Variants in DDX1 observed in about 807,000 individuals in gnomAD.
DDX1 encodes DEAD-box helicase 1.
Under a neutral mutation model 108.7 loss-of-function variants are expected in DDX1, and 28 were observed. The observed-to-expected ratio is 0.26, with a 90% CI of 0.19 to 0.35. DDX1 has a LOEUF of 0.35. Ranked by LOEUF, DDX1 falls within the 10% of genes least tolerant of loss-of-function variation. The probability of loss-of-function intolerance (pLI) is 1.00; values close to 1 mark genes in which losing one functional copy is unlikely to be tolerated. For synonymous variants in DDX1, 295 were observed against 288.9 expected (o/e 1.02, Z -0.21); for missense variants, 710 against 884.5 (o/e 0.80, Z 2.50).
At chr2:15,617,762 T>C (rs1476320691) in intron 15 of DDX1, among the ~76,000 whole-genome samples, 3 of 152,228 alleles carry the variant, frequency 2.0e-5, no homozygotes, top group Non-Finnish European at 4.4e-5. Flanking sequence ...AGATACAAAA[T>C]GTAGACCATC....
At chr2:15,627,700 T>C (rs1666124264) in intron 20 of DDX1, 1 of 152,812 alleles carries the variant, frequency 6.5e-6, no homozygotes, top group South Asian at 2.1e-4. Flanking sequence ...GCAGTCTCAT[T>C]AATTTAATAG....
rs1221059879 is a variant in DDX1 at position 15,627,164 on chromosome 2, T to A, written c.1686+19T>A. 1 of 1,434,056 alleles carries A rather than the reference T, an allele frequency of 7.0e-7. No individual in the cohort carries two copies. The highest frequency in any genetic ancestry group is 1.8e-5 in the Admixed American group (1 of 55,730). 88.8% of individuals were successfully genotyped at this position (1,434,056 alleles called of 1,614,324 possible). ...ATTTAAGGTACTGATACATAGTTGATTGTTTCCTTAATACTTAAGAGGGGC... is the reference window on the plus strand; with the variant it reads ...ATTTAAGGTACTGATACATAGTTGAATGTTTCCTTAATACTTAAGAGGGGC... On this transcript the variant is annotated intron_variant, in intron 20 of 25. Transcript: ENST00000233084.
At chr2:15,595,590 G>A in intron 3 of DDX1, 37 bp downstream of exon 3, 2 of 1,400,470 alleles carry the variant, frequency 1.4e-6, no homozygotes, top group South Asian at 1.2e-5. Flanking sequence ...GGTAGCTGGG[G>A]ACACACTCTA....
intron 9 of DDX1, 105 bp downstream of exon 9, chr2:15,603,995 G>C: frequency 1.4e-6 from 1 of 719,612 alleles, no homozygotes; most frequent in Non-Finnish European, 2.2e-6. Context: ...AAAATGAGCA[G>C]ATTTTCTGTA....
chr2:15,593,864 C>G (rs927033402), intron 1 of DDX1, among the ~76,000 whole-genome samples: 1 of 151,692 alleles, frequency 6.6e-6, no homozygotes, highest in East Asian at 1.9e-4. Flanking sequence ...ATCACGAGGT[C>G]AGGAGATTGA....
chr2:15,597,534 G>C, intron 5 of DDX1, 63 bp downstream of exon 5: 2 of 1,105,520 alleles, frequency 1.8e-6, no homozygotes, highest in South Asian at 2.8e-5. Flanking sequence ...CTGACAGTTA[G>C]GAAAGTGAGA....
intron 16 of DDX1, 116 bp downstream of exon 16, chr2:15,618,386 C>A: frequency 1.6e-6 from 1 of 624,420 alleles, no homozygotes; most frequent in Non-Finnish European, 2.9e-6. Context: ...TAGTGATGCC[C>A]TTGCCCGGGT....
intron 5 of DDX1, 65 bp downstream of exon 5, chr2:15,597,536 A>C: frequency 2.7e-6 from 3 of 1,094,618 alleles, no homozygotes; most frequent in Non-Finnish European, 4.1e-6. Context: ...GACAGTTAGG[A>C]AAGTGAGATT....
intron 20 of DDX1, 51 bp from the exon 21 acceptor site, chr2:15,628,394 G>T (rs1428029616): frequency 1.5e-6 from 2 of 1,356,906 alleles, no homozygotes; most frequent in Non-Finnish European, 2.1e-6. Flanking sequence ...TGTTTTTATT[G>T]TTTAGTATAT....
chr2:15,602,413 C>A, intron 6 of DDX1, 135 bp from the exon 7 acceptor site: 1 of 647,876 alleles, frequency 1.5e-6, no homozygotes, highest in Non-Finnish European at 2.8e-6. Flanking sequence ...GTCTCAGTCT[C>A]TGGAACATTG....
chr2:15,621,286 AG>A (rs1666002265), intron 18 of DDX1, 170 bp downstream of exon 18: 5 of 599,828 alleles, frequency 8.3e-6, no homozygotes, highest in Non-Finnish European at 1.5e-5. Context: ...TAGTCAACTT[AG>A]AGGAATATGA....
intron 1 of DDX1, among the ~76,000 whole-genome samples, chr2:15,592,157 C>T (rs1387558967): frequency 6.6e-6 from 1 of 152,214 alleles, no homozygotes; most frequent in Non-Finnish European, 1.5e-5. Context: ...CAGGAGCGGG[C>T]CGGAACGTCC....
intron 16 of DDX1, among the ~76,000 whole-genome samples, chr2:15,619,576 A>G (rs1049977357): frequency 1.3e-5 from 2 of 152,214 alleles, no homozygotes; most frequent in African/African-American, 4.8e-5. Context: ...AGCAGGGTCA[A>G]AGGGTTTTTG....
At chr2:15,605,896 T>G (rs1558453197) in intron 10 of DDX1, 54 bp from the exon 11 acceptor site, 10 of 1,219,324 alleles carry the variant, frequency 8.2e-6, no homozygotes, top group Non-Finnish European at 1.0e-5. Context: ...ATTGTCAGCA[T>G]GAGGAAGGTC....
chr2:15,623,397 GA>G (rs1292723156), intron 18 of DDX1, 38 bp from the exon 19 acceptor site: 1 of 1,604,966 alleles, frequency 6.2e-7, no homozygotes, highest in Non-Finnish European at 8.5e-7. Flanking sequence ...AGTTCAGATT[GA>G]AATTCTGTTG....
chr2:15,618,329 A>G, intron 16 of DDX1, 59 bp downstream of exon 16: 1 of 881,334 alleles, frequency 1.1e-6, no homozygotes, highest in Non-Finnish European at 1.8e-6. Context: ...GTATAATGTT[A>G]CGGGATCCCA....
At position 15,622,957 on chromosome 2, in the gene DDX1, C is replaced by A. The variant is rs536367053; in HGVS notation, c.1448-479C>A. Among the ~76,000 whole-genome samples, 4 of 152,130 alleles carry A rather than the reference C, an allele frequency of 2.6e-5. No homozygotes were observed. The East Asian group carries it at 7.7e-4, about 29-fold the overall frequency. ...CTAGAGTTTTGTGTTAAGGTTTTTACTGCGTAGAGTGAAGTATGAACTTTC... is the reference window on the plus strand; with the variant it reads ...CTAGAGTTTTGTGTTAAGGTTTTTAATGCGTAGAGTGAAGTATGAACTTTC... On this transcript the variant is annotated intron_variant, in intron 18 of 25. Coordinates refer to ENST00000233084, the MANE Select transcript of DDX1 (RefSeq NM_004939.3).
intron 14 of DDX1, among the ~76,000 whole-genome samples, chr2:15,616,677 A>G (rs1445252026): frequency 2.0e-5 from 3 of 152,246 alleles, no homozygotes; most frequent in South Asian, 2.1e-4. Flanking sequence ...CCTGTTCATT[A>G]TAAGTACTTG....
At chr2:15,628,331 C>A in intron 20 of DDX1, 114 bp from the exon 21 acceptor site, 2 of 745,404 alleles carry the variant, frequency 2.7e-6, no homozygotes, top group Non-Finnish European at 4.5e-6. Context: ...GACCTCTAAT[C>A]TGATAGTAAC....
Sources: gnomAD v4.1 joint callset for allele counts (sites outside exome capture counted in the v4.1 genomes callset) on GRCh38, gnomAD v4.1.1 for gene constraint, MANE v1.5 for transcripts, NCBI Gene and HGNC (gene_info 2026-07-23, HGNC 2026-07-21) for gene names.